The following MCTP1 variants were observed in gnomAD, a reference collection of about 807,000 sequenced individuals.
MCTP1 encodes the protein multiple C2 and transmembrane domain-containing protein 1.
In MCTP1, 69 loss-of-function variants were observed where a neutral mutation model predicts 120.6. That is an observed-to-expected ratio of 0.57 (90% CI 0.47 to 0.70). The LOEUF (loss-of-function observed/expected upper bound fraction) is 0.70. Among genes scored for constraint, MCTP1 ranks in the 30% least tolerant of loss-of-function variants. The probability of loss-of-function intolerance (pLI) is 0.00; values close to 1 mark genes in which losing one functional copy is unlikely to be tolerated. For synonymous variants in MCTP1, 529 were observed against 493.1 expected (o/e 1.07, Z -0.96); for missense variants, 1,203 against 1,248.8 (o/e 0.96, Z 0.55).
chr5:95,283,803 G>C (rs1269202013), intron 1 of MCTP1, 53 bp downstream of exon 1: 2 of 1,306,638 alleles, frequency 1.5e-6, no homozygotes, highest in Non-Finnish European at 1.9e-6. Context: ...AACGCCTGAA[G>C]AGGGAGGCGT....
intron 2 of MCTP1, among the ~76,000 whole-genome samples, chr5:94,984,106 C>T (rs1254197133): frequency 2.0e-5 from 3 of 152,114 alleles, no homozygotes; most frequent in Non-Finnish European, 4.4e-5. Context: ...TGAGTAATTC[C>T]TCTTCTATGA....
chr5:94,903,664 G>C (rs1806090444), intron 10 of MCTP1, among the ~76,000 whole-genome samples: 1 of 152,120 alleles, frequency 6.6e-6, no homozygotes, highest in African/African-American at 2.4e-5. Context: ...AGTTGTCATG[G>C]GTAGCACCAA....
chr5:94,774,966 G>T (rs1232026933), intron 19 of MCTP1, among the ~76,000 whole-genome samples: 1 of 152,076 alleles, frequency 6.6e-6, no homozygotes, highest in Non-Finnish European at 1.5e-5. Context: ...CGTTTGAGAT[G>T]CCAGAGATGC....
intron 1 of MCTP1, among the ~76,000 whole-genome samples, chr5:95,144,119 T>C (rs956929189): frequency 1.3e-5 from 2 of 152,236 alleles, no homozygotes; most frequent in Non-Finnish European, 2.9e-5. Flanking sequence ...TGTGAGTTGG[T>C]ATCTCACTGT....
chr5:95,170,154 T>C (rs1404125306), intron 1 of MCTP1, among the ~76,000 whole-genome samples: 1 of 152,226 alleles, frequency 6.6e-6, no homozygotes, highest in Non-Finnish European at 1.5e-5. Flanking sequence ...ATTTCTGCCT[T>C]CATTTCGTTA....
chr5:95,213,020 T>C (rs1752587070), intron 1 of MCTP1, among the ~76,000 whole-genome samples: 1 of 152,076 alleles, frequency 6.6e-6, no homozygotes, highest in Non-Finnish European at 1.5e-5. Flanking sequence ...TCAGGTCAAT[T>C]AGGCAGGAGA....
intron 1 of MCTP1, among the ~76,000 whole-genome samples, chr5:95,258,536 A>G (rs1022833865): frequency 6.6e-6 from 1 of 152,162 alleles, no homozygotes; most frequent in African/African-American, 2.4e-5. Context: ...GTAAAAACTA[A>G]CGAGACCTTA....
intron 2 of MCTP1, among the ~76,000 whole-genome samples, chr5:95,016,013 G>A (rs1191167393): frequency 6.6e-6 from 1 of 152,008 alleles, no homozygotes; most frequent in African/African-American, 2.4e-5. Flanking sequence ...TTTGTTATTT[G>A]CATTATTTTC....
At chr5:94,885,198 T>C (rs1041386752) in intron 12 of MCTP1, among the ~76,000 whole-genome samples, 3 of 151,482 alleles carry the variant, frequency 2.0e-5, no homozygotes. Flanking sequence ...AGTGAAAAGG[T>C]AGGACATCTT....
chr5:94,953,276 C>T lies in MCTP1; in HGVS notation c.924G>A (p.Val308=), dbSNP rs914119287. The change falls in exon 3 of 23, where the codon GTG becomes GTA. Residue 308 remains valine (V), a synonymous_variant. Coordinates refer to ENST00000515393, the MANE Select transcript of MCTP1 (RefSeq NM_024717.7). ...CCAGAATACAAGCTTTTTCTTCCCA[C>T]ACAGGGTTGAGGTTCTTGTGTATTA... ...SKIIHKNLNP[V]WEEKACILVD... The T allele has an allele frequency of 9.3e-6, 15 of 1,612,948 alleles. No individual in the cohort carries two copies. The highest frequency in any genetic ancestry group is 1.3e-5 in the Non-Finnish European group (15 of 1,179,464).
chr5:95,073,189 G>C (rs1262690213), intron 1 of MCTP1, among the ~76,000 whole-genome samples: 1 of 152,072 alleles, frequency 6.6e-6, no homozygotes, highest in Non-Finnish European at 1.5e-5. Context: ...CTTTTTTAGG[G>C]AGTTAGTCTT....
intron 1 of MCTP1, among the ~76,000 whole-genome samples, chr5:95,169,394 G>A (rs1465355408): frequency 6.6e-6 from 1 of 152,140 alleles, no homozygotes; most frequent in East Asian, 1.9e-4. Flanking sequence ...TTGGTATCAG[G>A]ATGATGTTGG....
At chr5:95,268,907 T>C (rs1452298228) in intron 1 of MCTP1, among the ~76,000 whole-genome samples, 1 of 152,226 alleles carries the variant, frequency 6.6e-6, no homozygotes, top group East Asian at 1.9e-4. Flanking sequence ...GGTCTGTGGG[T>C]TGGACCCGGC....
rs1246177814 is a variant in MCTP1, at chr5:94,705,128, C to G, written c.*2368G>C. ...TCCAAGTAGATGTTTGAGTGACATT[C>G]AGTCTCTTAAGAAATATTTACATCA... On this transcript the variant is annotated 3_prime_UTR_variant, in exon 23 of 23. Coordinates refer to ENST00000515393, the MANE Select transcript of MCTP1 (RefSeq NM_024717.7). 1 of 151,476 alleles carries G rather than the reference C, an allele frequency of 6.6e-6. No individual in the cohort carries two copies. The highest frequency in any genetic ancestry group is 1.5e-5 in the Non-Finnish European group (1 of 67,622). The allele number at this position is 151,476 out of a possible 1,614,324, so 9.4% of individuals were successfully genotyped here.
chr5:95,100,302 G>A (rs1425278551), intron 1 of MCTP1, among the ~76,000 whole-genome samples: 1 of 151,912 alleles, frequency 6.6e-6, no homozygotes, highest in Non-Finnish European at 1.5e-5. Context: ...AAAAATATTT[G>A]CTTCATGATA....
At chr5:95,209,167 T>G (rs1752030486) in intron 1 of MCTP1, among the ~76,000 whole-genome samples, 1 of 152,218 alleles carries the variant, frequency 6.6e-6, no homozygotes, top group Non-Finnish European at 1.5e-5. Flanking sequence ...ATTCTTGACT[T>G]TGGCTAATAG....
intron 1 of MCTP1, among the ~76,000 whole-genome samples, chr5:95,091,175 CAG>C (rs1295514486): frequency 2.0e-5 from 3 of 152,120 alleles, no homozygotes; most frequent in African/African-American, 7.2e-5. Context: ...AAACCAGAGA[CAG>C]AAAATTCATC....
intron 17 of MCTP1, among the ~76,000 whole-genome samples, chr5:94,846,479 C>A (rs958283789): frequency 2.0e-5 from 3 of 152,020 alleles, no homozygotes; most frequent in Non-Finnish European, 4.4e-5. Flanking sequence ...GGGAGGGAAA[C>A]AACACACACT....
intron 1 of MCTP1, among the ~76,000 whole-genome samples, chr5:95,106,104 T>C (rs1379839888): frequency 6.6e-6 from 1 of 152,222 alleles, no homozygotes; most frequent in Non-Finnish European, 1.5e-5. Context: ...GACATGGTGA[T>C]CATCTGCTGG....
Sources: gnomAD v4.1 joint callset for allele counts (sites outside exome capture counted in the v4.1 genomes callset) on GRCh38, gnomAD v4.1.1 for gene constraint, MANE v1.5 for transcripts, NCBI Gene and HGNC (gene_info 2026-07-23, HGNC 2026-07-21) for gene names.